The following SOX6 variants were observed in gnomAD, a reference collection of about 807,000 sequenced individuals.
SOX6 encodes the protein transcription factor SOX-6.
SOX6 carries 11 observed loss-of-function variants against 97.8 expected under a neutral mutation model. The ratio of observed to expected loss-of-function variants is 0.11; its 90% CI spans 0.07 to 0.19. The LOEUF is 0.19. Among genes scored for constraint, SOX6 ranks in the 10% least tolerant of loss-of-function variants. The pLI, the probability that SOX6 is intolerant of heterozygous loss-of-function variation, is 1.00. For missense variants in SOX6, 810 were observed against 1,039.5 expected, an observed-to-expected ratio of 0.78 and a Z score of 3.04; for synonymous variants, 360 against 371.4, an observed-to-expected ratio of 0.97 and a Z score of 0.35.
At chr11:16,254,800 G>A (rs531736429) in intron 3 of SOX6, among the ~76,000 whole-genome samples, 2 of 151,646 alleles carry the variant, frequency 1.3e-5, no homozygotes, top group African/African-American at 2.4e-5. Flanking sequence ...AAATGTCAGG[G>A]GTCTAAATAC....
At chr11:16,502,322 G>A (rs1297524723) in intron 4 of SOX6, among the ~76,000 whole-genome samples, 2 of 152,132 alleles carry the variant, frequency 1.3e-5, no homozygotes, top group African/African-American at 4.8e-5. Context: ...GGGGTGGAGG[G>A]AGTGGGGAGG....
intron 12 of SOX6, among the ~76,000 whole-genome samples, chr11:16,036,896 T>C (rs906626574): frequency 3.9e-5 from 6 of 152,168 alleles, no homozygotes; most frequent in African/African-American, 1.4e-4. Flanking sequence ...GCAGCTTGCA[T>C]TGTCTTGAGA....
chr11:16,210,651 G>A (rs969374970), intron 4 of SOX6, among the ~76,000 whole-genome samples: 1 of 152,110 alleles, frequency 6.6e-6, no homozygotes. Context: ...GTCAGGATAC[G>A]AAGACAGAAT....
In SOX6 at chr11:15,973,002, G is replaced by T; in HGVS notation, c.2294C>A (p.Thr765Asn). The T allele has an allele frequency of 6.2e-7, 1 of 1,614,156 alleles. No homozygotes were observed. Among genetic ancestry groups the T allele is most frequent in the Non-Finnish European group, 8.5e-7 (1 of 1,180,018 alleles). Residue 765 changes from threonine to asparagine, a missense_variant, in exon 16 of 16, where the codon ACC (threonine) becomes AAC (asparagine). Physicochemically the swap from Thr to Asn is moderately conservative, Grantham distance 65. Around this residue, in one of 9 missense-constraint regions of SOX6, gnomAD observed 122 missense variants for 153.4 expected, o/e 0.80. Transcript: ENST00000683767. ...SPQMTSDCSSTSASPEPSLPV... is the reference protein window; with the variant it reads ...SPQMTSDCSSNSASPEPSLPV... ...GAGGCTGGGCTCCGGGCTGGCCGAG[G>T]TGCTAGAGCAGTCAGATGTCATCTG...
At chr11:16,579,929 AT>A (rs745337955) in intron 4 of SOX6, among the ~76,000 whole-genome samples, 3 of 152,106 alleles carry the variant, frequency 2.0e-5, no homozygotes, top group Non-Finnish European at 4.4e-5. Flanking sequence ...TCCAGTTATT[AT>A]TTACCCTCAC....
Position 16,521,303 on chromosome 11 carries a change from C to T in SOX6, n.610-44915G>A, listed in dbSNP as rs181011120. The stretch of plus-strand genomic sequence containing the variant: ...CAAAACTTCCAGAGGAACGATCAGA[C>T]AGCAGCATTCGCGATTCACGAAAAT... On this transcript the variant is annotated intron_variant and non_coding_transcript_variant, in intron 4 of 5. Coordinates refer to the SOX6 transcript ENST00000524520. 8.3e-3 allele frequency among the ~76,000 whole-genome samples: 1,259 copies of T among 152,280 alleles called. 23 individuals carry two copies. The highest frequency in any genetic ancestry group is 0.029 in the African/African-American group (1,198 of 41,560).
intron 4 of SOX6, among the ~76,000 whole-genome samples, chr11:16,226,539 G>A (rs1852695270): frequency 6.6e-6 from 1 of 152,118 alleles, no homozygotes; most frequent in Non-Finnish European, 1.5e-5. Flanking sequence ...CAGCCATGAA[G>A]GTTAGACCCA....
intron 6 of SOX6, among the ~76,000 whole-genome samples, chr11:16,130,848 G>T (rs1849722190): frequency 6.6e-6 from 1 of 151,896 alleles, no homozygotes; most frequent in South Asian, 2.1e-4. Flanking sequence ...TTTTCATAAT[G>T]ATGTCAAGAT....
At chr11:16,368,268 T>G (rs1857408466) in intron 1 of SOX6, among the ~76,000 whole-genome samples, 1 of 152,084 alleles carries the variant, frequency 6.6e-6, no homozygotes. Flanking sequence ...AAATTTCAGA[T>G]TAAAGAGGGA....
intron 3 of SOX6, among the ~76,000 whole-genome samples, chr11:16,638,799 T>C (rs1848839356): frequency 1.3e-5 from 2 of 152,210 alleles, no homozygotes; most frequent in Admixed American, 6.5e-5. Context: ...GTTTAAGTTC[T>C]TTGTAGATTC....
At chr11:16,098,540 G>A (rs1848859357) in intron 7 of SOX6, among the ~76,000 whole-genome samples, 1 of 151,760 alleles carries the variant, frequency 6.6e-6, no homozygotes, top group Non-Finnish European at 1.5e-5. Flanking sequence ...GCAGTAACCT[G>A]AAGAACCAAA....
intron 4 of SOX6, among the ~76,000 whole-genome samples, chr11:16,201,946 T>C (rs1851952933): frequency 6.6e-6 from 1 of 152,088 alleles, no homozygotes; most frequent in Non-Finnish European, 1.5e-5. Context: ...AAAGTATTTT[T>C]AAGAGAGATT....
chr11:16,557,719 A>G (rs1287548813), intron 4 of SOX6, among the ~76,000 whole-genome samples: 1 of 151,842 alleles, frequency 6.6e-6, no homozygotes, highest in Non-Finnish European at 1.5e-5. Context: ...CTTTATTATT[A>G]TTGTAAATGA....
At chr11:16,044,984 C>G (rs776304571) in intron 12 of SOX6, among the ~76,000 whole-genome samples, 9 of 152,074 alleles carry the variant, frequency 5.9e-5, no homozygotes, top group Non-Finnish European at 1.3e-4. Context: ...ATCTATCTAT[C>G]TATCTATCAT....
At chr11:16,602,927 G>A (rs745622941) in intron 4 of SOX6, among the ~76,000 whole-genome samples, 6 of 151,956 alleles carry the variant, frequency 3.9e-5, no homozygotes, top group Admixed American at 3.3e-4. Flanking sequence ...AGACTGAGGC[G>A]GAAGAATCGC....
intron 1 of SOX6, among the ~76,000 whole-genome samples, chr11:16,425,357 T>C (rs141931880): frequency 7.9e-5 from 12 of 152,356 alleles, no homozygotes; most frequent in African/African-American, 2.4e-4. Context: ...TAACATGTGC[T>C]AGGCACTGTT....
In SOX6 at chr11:15,989,123, G is replaced by T. The variant is rs955619019; in HGVS notation, c.1840C>A (p.Arg614Ser). ...TTAATGTGTGGCTCGCTGCTGGCAC[G>T]GCCGCGGGCGTCCCTGTAGACTCGT... ...EARVYRDARG[R>S]ASSEPHIKRP... The change falls in exon 14 of 16, where the codon CGT (arginine) becomes AGT (serine). Residue 614 changes from arginine to serine, a missense_variant. By Grantham distance (110) the Arg-to-Ser change is moderately radical (BLOSUM62 -1). This residue lies in a region of SOX6 where 51 missense variants were observed against 145.7 expected (regional missense o/e 0.35). Coordinates refer to ENST00000683767, the MANE Select transcript of SOX6 (RefSeq NM_001367873.1). The T allele has an allele frequency of 2.5e-6, 4 of 1,614,030 alleles. No individual in the cohort carries two copies. The Admixed American group carries it at 6.7e-5, about 27-fold the overall frequency.
At chr11:16,129,388 A>T (rs1001291535) in intron 6 of SOX6, among the ~76,000 whole-genome samples, 1 of 152,074 alleles carries the variant, frequency 6.6e-6, no homozygotes, top group Non-Finnish European at 1.5e-5. Flanking sequence ...ATATGCTGTG[A>T]CATACATTAA....
At chr11:16,256,793 T>C (rs1853705445) in intron 3 of SOX6, among the ~76,000 whole-genome samples, 1 of 151,852 alleles carries the variant, frequency 6.6e-6, no homozygotes, top group African/African-American at 2.4e-5. Context: ...ACAGATGACA[T>C]GATCATCTGA....
Sources: gnomAD v4.1 joint callset for allele counts (sites outside exome capture counted in the v4.1 genomes callset) on GRCh38, gnomAD v4.1.1 for gene constraint, gnomAD v4.1.1 regional missense constraint, MANE v1.5 for transcripts, NCBI Gene and HGNC (gene_info 2026-07-23, HGNC 2026-07-21) for gene names.